The following NCR1 variants were observed in gnomAD, a reference collection of about 807,000 sequenced individuals.
NCR1 encodes natural cytotoxicity triggering receptor 1.
NCR1 carries 30 observed loss-of-function variants against 32.5 expected under a neutral mutation model. The ratio of observed to expected loss-of-function variants is 0.92; its 90% confidence interval spans 0.69 to 1.25. The LOEUF is 1.25. Ranked by LOEUF, NCR1 falls within the 50% of genes most tolerant of loss-of-function variation. The pLI is 0.00. For synonymous variants in NCR1, 169 were observed against 143.4 expected, an observed-to-expected ratio of 1.18 and a Z score of -1.28; for missense variants, 369 against 380.7, an observed-to-expected ratio of 0.97 and a Z score of 0.26.
At chr19:54,931,509 G>A in the NCR1 span, among the ~76,000 whole-genome samples, 1 of 152,158 alleles carries the variant, frequency 6.6e-6, no homozygotes, top group Admixed American at 6.6e-5. Flanking sequence ...AAGCAATATG[G>A]AGAAACCCGT....
chr19:54,922,780 AAAAAAAAAAC>A, the NCR1 span, among the ~76,000 whole-genome samples: 2 of 83,348 alleles, frequency 2.4e-5, no homozygotes, highest in South Asian at 8.3e-4. Flanking sequence ...CTCCGTCTCA[AAAAAAAAAAC>A]AAAAAAAAAA....
chr19:54,924,135 G>C, the NCR1 span, among the ~76,000 whole-genome samples: 1 of 152,074 alleles, frequency 6.6e-6, no homozygotes, highest in Non-Finnish European at 1.5e-5. Flanking sequence ...GCTTGGCTAA[G>C]TTTTGTATTT....
chr19:54,908,741 T>G (rs1345372978), intron 3 of NCR1, among the ~76,000 whole-genome samples: 1 of 148,684 alleles, frequency 6.7e-6, no homozygotes, highest in Non-Finnish European at 1.5e-5. Flanking sequence ...TCAATTCTCC[T>G]GCCTCAGCCT....
At chr19:54,906,844 G>A in intron 3 of NCR1, 37 bp downstream of exon 3, 2 of 1,606,546 alleles carry the variant, frequency 1.2e-6, no homozygotes, top group South Asian at 2.2e-5. Flanking sequence ...AGTGATCTCA[G>A]TCTGCATCCG....
chr19:54,935,798 AG>A, the NCR1 span, among the ~76,000 whole-genome samples: 1 of 151,932 alleles, frequency 6.6e-6, no homozygotes, highest in East Asian at 1.9e-4. Context: ...CATTCTCCTC[AG>A]GCTCCCAAAG....
At chr19:54,936,919 G>C in the NCR1 span, among the ~76,000 whole-genome samples, 9 of 139,226 alleles carry the variant, frequency 6.5e-5, no homozygotes, top group Admixed American at 5.7e-4. Context: ...CATCTCAAAA[G>C]AAAAAAAAAT....
At chr19:54,912,122 G>T in intron 5 of NCR1, 46 bp from the exon 6 acceptor site, 1 of 1,541,490 alleles carries the variant, frequency 6.5e-7, no homozygotes, top group Non-Finnish European at 9.0e-7. Context: ...TGCTGGGGTG[G>T]AGGAGGTCAA....
downstream of NCR1, among the ~76,000 whole-genome samples, chr19:54,919,672 G>A (rs370541324): frequency 0.12 from 18,450 of 150,360 alleles, 1,228 homozygotes; most frequent in African/African-American, 0.23. Context: ...CACAAGAGGT[G>A]GAGGAGCAGA....
At chr19:54,918,009 T>C (rs2068168929), downstream of NCR1, among the ~76,000 whole-genome samples, 1 of 152,180 alleles carries the variant, frequency 6.6e-6, no homozygotes, top group Non-Finnish European at 1.5e-5. Flanking sequence ...CAGGCTGGAC[T>C]GCAGTGGCGC....
In NCR1 at chr19:54,912,417, C is replaced by T. The variant is rs911745978; in HGVS notation, c.733+199C>T. Among the ~76,000 whole-genome samples the T allele has an allele frequency of 4.6e-5, 7 of 151,448 alleles. No individual in the cohort carries two copies. In the East Asian group the frequency reaches 5.8e-4, roughly 13 times the overall value. On this transcript the variant is annotated intron_variant, in intron 6 of 6. Transcript: ENST00000291890. ...TTCAAGACCAGTCTGGCCAACATGG[C>T]GAAATCCCATCTCTACTAAAAATAC...
the NCR1 span, among the ~76,000 whole-genome samples, chr19:54,935,641 G>A: frequency 4.5e-4 from 68 of 150,142 alleles, no homozygotes; most frequent in Middle Eastern, 6.9e-3. Flanking sequence ...TGCAGTGAAC[G>A]AGATCGCGCC....
the NCR1 span, among the ~76,000 whole-genome samples, chr19:54,931,482 G>A: frequency 1.3e-5 from 2 of 152,124 alleles, no homozygotes; most frequent in African/African-American, 4.8e-5. Context: ...CTGAGGTCGG[G>A]AGTTCAAGAC....
rs371565402 is a variant in NCR1, at chr19:54,912,868, T to C, written c.912T>C (p.Leu304=). Residue 304 remains leucine, a synonymous_variant, in exon 7 of 7, where the codon CTT becomes CTC. Coordinates refer to ENST00000291890, the MANE Select transcript of NCR1 (RefSeq NM_004829.7). ...GGAGAAGGCTGAACACACAGACTCT[T>C]TGAAGAATGACCATGAGACACAGTG... ...EGRRRLNTQT[L] The C allele has an allele frequency of 2.3e-5, 37 of 1,612,582 alleles. No individual in the cohort carries two copies. Among genetic ancestry groups the C allele is most frequent in the Admixed American group, 3.4e-5 (2 of 59,620 alleles).
the NCR1 span, among the ~76,000 whole-genome samples, chr19:54,922,247 A>G: frequency 6.6e-6 from 1 of 152,128 alleles, no homozygotes; most frequent in African/African-American, 2.4e-5. Context: ...CCAAGTGAGG[A>G]GAGGGGTCAG....
chr19:54,904,988 A>T (rs1341242611), upstream of NCR1, among the ~76,000 whole-genome samples: 1 of 152,174 alleles, frequency 6.6e-6, no homozygotes, highest in Non-Finnish European at 1.5e-5. Flanking sequence ...TCCACCTCTG[A>T]TGGGACCTGG....
chr19:54,907,372 A>G (rs2067686775), intron 3 of NCR1, among the ~76,000 whole-genome samples: 1 of 150,340 alleles, frequency 6.7e-6, no homozygotes, highest in Admixed American at 6.6e-5. Context: ...GGTGGTGTCG[A>G]ACTCCTGACC....
At chr19:54,919,720 C>T (rs1183046618), downstream of NCR1, among the ~76,000 whole-genome samples, 7 of 146,330 alleles carry the variant, frequency 4.8e-5, no homozygotes, top group Non-Finnish European at 1.1e-4. Context: ...GGAGACCCCC[C>T]CCCCCACCCG....
upstream of NCR1, among the ~76,000 whole-genome samples, chr19:54,902,492 G>C (rs996557380): frequency 1.3e-5 from 2 of 151,566 alleles, no homozygotes; most frequent in African/African-American, 4.9e-5. Flanking sequence ...TTTCCCCCAG[G>C]CTCGTCTCAA....
the NCR1 span, among the ~76,000 whole-genome samples, chr19:54,935,975 T>C: frequency 2.0e-5 from 3 of 152,130 alleles, no homozygotes; most frequent in Admixed American, 1.3e-4. Flanking sequence ...GCCACTGCTC[T>C]CAATCCCAAC....
Sources: allele counts gnomAD v4.1 joint callset (sites outside exome capture counted in the v4.1 genomes callset), GRCh38; gene constraint gnomAD v4.1.1; transcripts MANE v1.5; gene names NCBI Gene and HGNC (gene_info 2026-07-23, HGNC 2026-07-21).